The following WIPF2 variants were observed in gnomAD, a reference collection of about 807,000 sequenced individuals.
WIPF2 encodes the protein WAS/WASL-interacting protein family member 2.
WIPF2 carries 23 observed loss-of-function variants against 38.8 expected under a neutral mutation model. The observed-to-expected ratio is 0.59, with a 90% CI of 0.43 to 0.84. WIPF2 has a LOEUF of 0.84. WIPF2 is among the 40% of genes least tolerant of loss of function. WIPF2 has a pLI of 0.00. For synonymous variants in WIPF2, 210 were observed against 223.2 expected, an observed-to-expected ratio of 0.94 and a Z score of 0.53; for missense variants, 574 against 580.5, an observed-to-expected ratio of 0.99 and a Z score of 0.11.
At chr17:40,226,806 A>G (rs953904395) in intron 1 of WIPF2, among the ~76,000 whole-genome samples, 2 of 152,062 alleles carry the variant, frequency 1.3e-5, no homozygotes, top group Non-Finnish European at 2.9e-5. Context: ...CAATGGCACA[A>G]TCTCGGCTCA....
intron 5 of WIPF2, among the ~76,000 whole-genome samples, chr17:40,266,814 A>G (rs8078226): frequency 0.25 from 37,500 of 151,790 alleles, 6,834 homozygotes; most frequent in African/African-American, 0.52. Context: ...GGCCAGAGAA[A>G]AGAGAATGTG....
chr17:40,237,376 G>T (rs574388885), intron 1 of WIPF2, among the ~76,000 whole-genome samples: 20 of 151,624 alleles, frequency 1.3e-4, no homozygotes, highest in East Asian at 1.9e-4. Flanking sequence ...AAGTAGCTAG[G>T]ATTACAGGCG....
In WIPF2 at chr17:40,271,884, T is replaced by C. The variant is rs779707525; in HGVS notation, c.971-1906T>C. Among the ~76,000 whole-genome samples, 3 of 152,334 alleles carry C rather than the reference T, an allele frequency of 2.0e-5. No individual in the cohort carries two copies. The East Asian group carries it at 5.8e-4, about 29-fold the overall frequency. ...AAGACAAACACGTTAGAATCTATTA[T>C]ATTCCAGTCATATTGCCATTTCTTG... On this transcript the variant is annotated intron_variant, in intron 5 of 7. Coordinates refer to ENST00000323571, the MANE Select transcript of WIPF2 (RefSeq NM_133264.5).
At chr17:40,272,382 A>G (rs1394349224) in intron 5 of WIPF2, among the ~76,000 whole-genome samples, 4 of 152,206 alleles carry the variant, frequency 2.6e-5, no homozygotes, top group Non-Finnish European at 2.9e-5. Flanking sequence ...TGTGACCATC[A>G]TATAATAGTG....
At chr17:40,222,899 GA>G (rs760180088) in intron 1 of WIPF2, among the ~76,000 whole-genome samples, 11 of 148,504 alleles carry the variant, frequency 7.4e-5, no homozygotes, top group Non-Finnish European at 1.5e-4. Context: ...TCGAACTCCT[GA>G]CTTCAGGTGA....
At chr17:40,227,932 T>G (rs554496136) in intron 1 of WIPF2, among the ~76,000 whole-genome samples, 140 of 151,946 alleles carry the variant, frequency 9.2e-4, no homozygotes, top group Middle Eastern at 3.4e-3. Context: ...TGTTTTTTTT[T>G]TTGTTGTTGT....
At chr17:40,259,183 C>T (rs928742969) in intron 2 of WIPF2, among the ~76,000 whole-genome samples, 8 of 150,996 alleles carry the variant, frequency 5.3e-5, no homozygotes, top group South Asian at 2.1e-4. Context: ...CGGCCGGCCT[C>T]GTGCTGATTT....
At chr17:40,237,121 T>C (rs2031001667) in intron 1 of WIPF2, among the ~76,000 whole-genome samples, 1 of 152,168 alleles carries the variant, frequency 6.6e-6, no homozygotes, top group African/African-American at 2.4e-5. Context: ...ATTTCTTGTA[T>C]TGATAATGTA....
rs1201557599 is a variant in WIPF2 at position 40,238,858 on chromosome 17, G to A, written c.-69-17533G>A. 4.6e-5 allele frequency among the ~76,000 whole-genome samples: 7 copies of A among 151,330 alleles called. No individual in the cohort carries two copies. In the East Asian group the frequency reaches 1.4e-3, roughly 30 times the overall value. On this transcript the variant is annotated intron_variant, in intron 1 of 7. Transcript: ENST00000323571. ...AAACTCCTGACCTCATGATCCGCCC[G>A]CCTTGGCCTCCCAAAGTGCTGGGAT...
At chr17:40,266,804 G>A (rs1383725183) in intron 5 of WIPF2, among the ~76,000 whole-genome samples, 1 of 152,064 alleles carries the variant, frequency 6.6e-6, no homozygotes, top group African/African-American at 2.4e-5. Context: ...ACCTGGAGGA[G>A]GCCAGAGAAA....
At chr17:40,268,121 C>G (rs562471257) in intron 5 of WIPF2, among the ~76,000 whole-genome samples, 3 of 152,268 alleles carry the variant, frequency 2.0e-5, no homozygotes, top group African/African-American at 7.2e-5. Flanking sequence ...GCACTTCAGC[C>G]TGGGCAACAC....
In WIPF2 at chr17:40,278,240, C is replaced by T; in HGVS notation, c.*15C>T. On this transcript the variant is annotated 3_prime_UTR_variant, in exon 8 of 8. Transcript: ENST00000323571. ...TTCTCAGGTGAAGCCTGGCTTGGTC[C>T]CGTTCCTCAGGAAAAGGATGGACCT... is the stretch of plus-strand genomic sequence containing the variant. The T allele has an allele frequency of 6.2e-7, 1 of 1,613,500 alleles. No homozygotes were observed. The highest frequency in any genetic ancestry group is 1.7e-5 in the Admixed American group (1 of 59,920).
chr17:40,249,042 G>T (rs1444292410), intron 1 of WIPF2, among the ~76,000 whole-genome samples: 1 of 152,022 alleles, frequency 6.6e-6, no homozygotes, highest in Admixed American at 6.6e-5. Context: ...TCAGTGCTTT[G>T]ATACAAAAAC....
intron 1 of WIPF2, among the ~76,000 whole-genome samples, chr17:40,238,388 C>T (rs1443918879): frequency 6.6e-6 from 1 of 151,756 alleles, no homozygotes; most frequent in Non-Finnish European, 1.5e-5. Flanking sequence ...ACTGCAACAT[C>T]TGCCTCCCCA....
chr17:40,246,808 C>T (rs1208518797), intron 1 of WIPF2, among the ~76,000 whole-genome samples: 1 of 151,970 alleles, frequency 6.6e-6, no homozygotes, highest in Non-Finnish European at 1.5e-5. Flanking sequence ...ATGGTACTGT[C>T]TGTGCTTAAG....
chr17:40,241,700 C>G (rs1397949337), intron 1 of WIPF2, among the ~76,000 whole-genome samples: 6 of 152,136 alleles, frequency 3.9e-5, no homozygotes, highest in African/African-American at 1.4e-4. Context: ...AAACAGATGT[C>G]CTAATCTGCC....
At chr17:40,243,242 G>A (rs1053083497) in intron 1 of WIPF2, among the ~76,000 whole-genome samples, 4 of 151,984 alleles carry the variant, frequency 2.6e-5, no homozygotes, top group Non-Finnish European at 5.9e-5. Flanking sequence ...GATGGTAGTG[G>A]GTTATCAGAG....
intron 5 of WIPF2, among the ~76,000 whole-genome samples, chr17:40,270,882 T>TTGTGTG (rs373553389): frequency 6.7e-6 from 1 of 150,362 alleles, no homozygotes; most frequent in Non-Finnish European, 1.5e-5. Context: ...TTGTGCCAGA[T>TTGTGTG]TGTGTGTGTG....
chr17:40,247,495 G>A (rs1294764250), intron 1 of WIPF2, among the ~76,000 whole-genome samples: 5 of 150,150 alleles, frequency 3.3e-5, no homozygotes, highest in South Asian at 2.1e-4. Flanking sequence ...CTGGGATTAC[G>A]GGCGTGAGCC....
Sources: gnomAD v4.1 joint callset for allele counts (sites outside exome capture counted in the v4.1 genomes callset) on GRCh38, gnomAD v4.1.1 for gene constraint, MANE v1.5 for transcripts, NCBI Gene and HGNC (gene_info 2026-07-23, HGNC 2026-07-21) for gene names.